RNGTT: variants seen among roughly 807,000 people sequenced by gnomAD.
RNGTT encodes RNA guanylyltransferase and 5'-phosphatase.
Under a neutral mutation model 79.3 loss-of-function variants are expected in RNGTT, and 33 were observed. The observed-to-expected ratio is 0.42, with a 90% CI of 0.32 to 0.56. The LOEUF is 0.56. Among genes scored for constraint, RNGTT ranks in the 20% least tolerant of loss-of-function variants. The probability of loss-of-function intolerance (pLI) is 0.17; values close to 1 mark genes in which losing one functional copy is unlikely to be tolerated. For missense variants in RNGTT, 497 were observed against 739.1 expected (o/e 0.67, Z 3.80); for synonymous variants, 222 against 235.9 (o/e 0.94, Z 0.54).
intron 13 of RNGTT, among the ~76,000 whole-genome samples, chr6:88,740,756 T>C (rs1381079932): frequency 2.0e-5 from 3 of 151,740 alleles, no homozygotes; most frequent in African/African-American, 7.3e-5. Flanking sequence ...CACCAAGGCC[T>C]GTTGAGGGGT....
chr6:88,738,839 T>TACACACACACACAC (rs200498670), intron 13 of RNGTT, among the ~76,000 whole-genome samples: 3 of 142,602 alleles, frequency 2.1e-5, no homozygotes, highest in African/African-American at 5.1e-5. Flanking sequence ...ATAAATAAAA[T>TACACACACACACAC]ACACACACAC....
rs920943338 is a variant in RNGTT at position 88,844,588 on chromosome 6, G to A, written c.1105-67C>T. Reference sequence around the variant, plus strand: ...CTATTTTATCAGCATAATTATCAAGGCTGCCACAATGTACATAATAGTCTG... The same window carrying A: ...CTATTTTATCAGCATAATTATCAAGACTGCCACAATGTACATAATAGTCTG... On this transcript the variant is annotated intron_variant, in intron 10 of 15. Transcript: ENST00000369485. 9.0e-6 allele frequency: 13 copies of A among 1,446,664 alleles called. No individual in the cohort carries two copies. The Admixed American group carries it at 2.1e-4, about 23-fold the overall frequency. The allele number at this position is 1,446,664 out of a possible 1,614,324, so 89.6% of individuals were successfully genotyped here.
intron 2 of RNGTT, among the ~76,000 whole-genome samples, chr6:88,938,025 G>A (rs1262583819): frequency 2.6e-5 from 4 of 152,160 alleles, no homozygotes; most frequent in Non-Finnish European, 4.4e-5. Context: ...TGGATGAAAT[G>A]TTCTGTAAAT....
At chr6:88,643,355 T>C (rs994529442) in intron 14 of RNGTT, among the ~76,000 whole-genome samples, 1 of 152,114 alleles carries the variant, frequency 6.6e-6, no homozygotes, top group African/African-American at 2.4e-5. Context: ...TGAATGTATA[T>C]TACTTTCACA....
intron 1 of RNGTT, among the ~76,000 whole-genome samples, chr6:88,942,319 A>G (rs778660718): frequency 4.6e-5 from 7 of 152,158 alleles, no homozygotes; most frequent in Admixed American, 3.9e-4. Context: ...ACAGTATAGC[A>G]TAGAGGAAGT....
At chr6:88,960,185 T>C (rs1240402777) in intron 1 of RNGTT, among the ~76,000 whole-genome samples, 1 of 152,240 alleles carries the variant, frequency 6.6e-6, no homozygotes, top group Non-Finnish European at 1.5e-5. Context: ...CATGAGACTC[T>C]GCTTTTTAAG....
chr6:88,759,290 A>T (rs1386416317), intron 13 of RNGTT, among the ~76,000 whole-genome samples: 1 of 152,060 alleles, frequency 6.6e-6, no homozygotes, highest in Non-Finnish European at 1.5e-5. Flanking sequence ...GTACTTTCTT[A>T]CTTTCTGGCA....
At chr6:88,944,121 GA>G (rs1416556756) in intron 1 of RNGTT, among the ~76,000 whole-genome samples, 4 of 150,964 alleles carry the variant, frequency 2.6e-5, no homozygotes, top group Non-Finnish European at 5.9e-5. Context: ...TCACTGAAAA[GA>G]AAAAAACAAA....
At chr6:88,923,020 T>C (rs1044262501) in intron 4 of RNGTT, among the ~76,000 whole-genome samples, 2 of 152,246 alleles carry the variant, frequency 1.3e-5, no homozygotes, top group Non-Finnish European at 2.9e-5. Flanking sequence ...TGTAAATTGA[T>C]AGTTAAATCC....
At chr6:88,930,055 CA>C (rs988757361) in intron 2 of RNGTT, among the ~76,000 whole-genome samples, 22 of 147,038 alleles carry the variant, frequency 1.5e-4, no homozygotes, top group African/African-American at 5.3e-4. Flanking sequence ...TATACATATA[CA>C]TGTATATGCA....
At chr6:88,801,781 A>T (rs1201494554) in intron 11 of RNGTT, 149 bp from the exon 12 acceptor site, 2 of 494,870 alleles carry the variant, frequency 4.0e-6, no homozygotes, top group Non-Finnish European at 7.4e-6. Flanking sequence ...GTCTAAAGGA[A>T]TCTAAGTTAA....
chr6:88,860,381 T>G (rs1218058813), intron 8 of RNGTT, among the ~76,000 whole-genome samples: 1 of 152,180 alleles, frequency 6.6e-6, no homozygotes, highest in African/African-American at 2.4e-5. Context: ...GCCCAGATTT[T>G]CCCTACCCCT....
chr6:88,712,207 T>C (rs1167704921), intron 13 of RNGTT, among the ~76,000 whole-genome samples: 1 of 152,200 alleles, frequency 6.6e-6, no homozygotes, highest in Non-Finnish European at 1.5e-5. Flanking sequence ...AAACAGCTCA[T>C]ATAAGGCAAA....
chr6:88,817,490 TAAAA>T (rs11354100), intron 11 of RNGTT, among the ~76,000 whole-genome samples: 1,816 of 44,546 alleles, frequency 0.041, 23 homozygotes, highest in Non-Finnish European at 0.055. Flanking sequence ...AAAAAATAAG[TAAAA>T]AAAAAAAAAA....
chr6:88,722,329 A>G (rs1285877210), intron 13 of RNGTT, among the ~76,000 whole-genome samples: 1 of 152,130 alleles, frequency 6.6e-6, no homozygotes, highest in African/African-American at 2.4e-5. Context: ...ACAACATGTA[A>G]CAGAGTGTGC....
intron 8 of RNGTT, among the ~76,000 whole-genome samples, chr6:88,875,968 C>G (rs17582341): frequency 0.095 from 14,490 of 152,190 alleles, 886 homozygotes; most frequent in Middle Eastern, 0.2. Context: ...CACTGCTGTT[C>G]GGAGTGTATC....
intron 13 of RNGTT, among the ~76,000 whole-genome samples, chr6:88,726,883 AC>A (rs1776926111): frequency 6.6e-6 from 1 of 152,200 alleles, no homozygotes; most frequent in Non-Finnish European, 1.5e-5. Context: ...CTAAAAGTTA[AC>A]AGTGTAACAT....
At chr6:88,907,735 CTTTTTTT>C (rs34378893) in intron 4 of RNGTT, among the ~76,000 whole-genome samples, 4 of 125,422 alleles carry the variant, frequency 3.2e-5, no homozygotes, top group Middle Eastern at 4.1e-3. Flanking sequence ...TAAGCTGTAT[CTTTTTTT>C]TTTTTTTTTT....
chr6:88,659,330 T>A (rs1300897823), intron 14 of RNGTT, among the ~76,000 whole-genome samples: 1 of 151,630 alleles, frequency 6.6e-6, no homozygotes. Context: ...ATTTAGAAGG[T>A]TGATTATTAA....
Sources: allele counts gnomAD v4.1 joint callset (sites outside exome capture counted in the v4.1 genomes callset), GRCh38; gene constraint gnomAD v4.1.1; transcripts MANE v1.5; gene names NCBI Gene and HGNC (gene_info 2026-07-23, HGNC 2026-07-21).